PNISR: variants seen among roughly 807,000 people sequenced by gnomAD.
PNISR encodes the protein PNN interacting serine and arginine rich protein, also known as arginine/serine-rich protein PNISR.
In PNISR, 20 loss-of-function variants were observed where a neutral mutation model predicts 93.4. The ratio of observed to expected loss-of-function variants is 0.21; its 90% CI spans 0.15 to 0.31. The LOEUF (loss-of-function observed/expected upper bound fraction) is 0.31, where lower values mean the gene tolerates loss of function less well. Ranked by LOEUF, PNISR falls within the 10% of genes least tolerant of loss-of-function variation. The probability of loss-of-function intolerance (pLI) is 1.00; values close to 1 mark genes in which losing one functional copy is unlikely to be tolerated. For synonymous variants in PNISR, 305 were observed against 306.5 expected (o/e 0.99, Z 0.05); for missense variants, 893 against 985.4 (o/e 0.91, Z 1.25).
Position 99,400,779 on chromosome 6 carries a change from T to C in PNISR, c.2179A>G (p.Ile727Val), listed in dbSNP as rs776325189. 24 of 1,611,638 alleles carry C rather than the reference T, an allele frequency of 1.5e-5. No homozygotes were observed. The highest frequency in any genetic ancestry group is 4.4e-5 in the South Asian group (4 of 90,916). Residue 727 changes from isoleucine (I) to valine (V), a missense_variant, in exon 12 of 12, where the codon ATA becomes GTA. Around this residue, in one of 3 missense-constraint regions of PNISR, gnomAD observed 866 missense variants for 935.1 expected, o/e 0.93. Coordinates refer to ENST00000369239, the MANE Select transcript of PNISR (RefSeq NM_032870.4). ...SERTFSRSGS[I>V]SVKIIRHDSR... ...TCATGTCTTATGATTTTAACAGATA[T>C]AGAACCACTCCTAGAAAATGTTCTT...
intron 1 of PNISR, among the ~76,000 whole-genome samples, chr6:99,421,184 T>C (rs1582854738): frequency 6.6e-6 from 1 of 152,222 alleles, no homozygotes; most frequent in South Asian, 2.1e-4. Context: ...TTTCCCTTCA[T>C]GTGGTAAAGT....
Position 99,420,159 on chromosome 6 carries a change from G to A in PNISR, c.-111-3731C>T, listed in dbSNP as rs576421466. Among the ~76,000 whole-genome samples the A allele has an allele frequency of 6.6e-5, 10 of 152,288 alleles. No homozygotes were observed. The South Asian group carries it at 1.2e-3, about 19-fold the overall frequency. The stretch of plus-strand genomic sequence containing the variant: ...CAGTCCCCAAAGTGCTGGGATTACA[G>A]ACGTGAGCTATCGCTCCCGGCCCAT... On this transcript the variant is annotated intron_variant, in intron 1 of 11. Coordinates refer to ENST00000369239, the MANE Select transcript of PNISR (RefSeq NM_032870.4).
chr6:99,412,832 G>A (rs767191751), intron 3 of PNISR, 93 bp from the exon 4 acceptor site: 20 of 775,056 alleles, frequency 2.6e-5, no homozygotes, highest in Non-Finnish European at 3.9e-5. Flanking sequence ...CTATTCCTTA[G>A]ATCTTAAATA....
At chr6:99,421,855 T>C (rs1385619087) in intron 1 of PNISR, among the ~76,000 whole-genome samples, 1 of 152,162 alleles carries the variant, frequency 6.6e-6, no homozygotes, top group Non-Finnish European at 1.5e-5. Context: ...CTAAAACAAC[T>C]TGTTTAAATG....
rs891341254 is a variant in PNISR at position 99,420,309 on chromosome 6, A to T, written c.-111-3881T>A. Among the ~76,000 whole-genome samples the T allele has an allele frequency of 2.0e-4, 30 of 152,200 alleles. 1 individual carries two copies. Among genetic ancestry groups the T allele is most frequent in the African/African-American group, 6.8e-4 (28 of 41,438 alleles). On this transcript the variant is annotated intron_variant, in intron 1 of 11. Coordinates refer to ENST00000369239, the MANE Select transcript of PNISR (RefSeq NM_032870.4). ...TTGATAATCTTATCCAAAACAGGTA[A>T]CTCTGGTCATGAAAACAAAATTTGC...
chr6:99,415,178 AC>A (rs1386426971), intron 2 of PNISR: 1 of 152,240 alleles, frequency 6.6e-6, no homozygotes, highest in East Asian at 1.9e-4. Flanking sequence ...AGGAAACCTT[AC>A]AAGAAAAGTT....
intron 1 of PNISR, among the ~76,000 whole-genome samples, chr6:99,420,653 A>G (rs1210933873): frequency 6.6e-6 from 1 of 152,342 alleles, no homozygotes; most frequent in Middle Eastern, 3.4e-3. Context: ...AAATTTCACT[A>G]TGGTTTAACA....
rs750230721 is a variant in PNISR at position 99,410,877 on chromosome 6, G to A, written c.365C>T (p.Pro122Leu). 5 of 1,614,080 alleles carry A rather than the reference G, an allele frequency of 3.1e-6. No individual in the cohort carries two copies. In the Admixed American group the frequency reaches 8.3e-5, roughly 27 times the overall value. ...PTPGPMDIVP[P>L]SEDSNSQDSG... is the part of the protein sequence containing the mutation. ...GTCCTGACTGTTGCTGTCTTCAGAA[G>A]GAGGAACAATGTCCATTGGGCCTGG... The change falls in exon 5 of 12, where the codon CCT becomes CTT. Residue 122 changes from proline (P) to leucine (L), a missense_variant. By Grantham distance (98) the Pro-to-Leu change is moderately conservative. Around this residue, in one of 3 missense-constraint regions of PNISR, gnomAD observed 866 missense variants for 935.1 expected, o/e 0.93. Coordinates refer to ENST00000369239, the MANE Select transcript of PNISR (RefSeq NM_032870.4).
At chr6:99,407,338 C>CAAA (rs67886910) in intron 7 of PNISR, among the ~76,000 whole-genome samples, 20 of 122,120 alleles carry the variant, frequency 1.6e-4, no homozygotes, top group African/African-American at 3.2e-4. Flanking sequence ...CCTAAAAAGA[C>CAAA]AAAAAAAAAA....
chr6:99,412,082 T>A, intron 4 of PNISR: 1 of 317,192 alleles, frequency 3.2e-6, no homozygotes, highest in Non-Finnish European at 6.3e-6. Context: ...ATGAAAGATC[T>A]TCACTATCTG....
At chr6:99,424,914 C>G (rs573388185) in intron 1 of PNISR, 1 of 264,006 alleles carries the variant, frequency 3.8e-6, no homozygotes, top group African/African-American at 2.2e-5. Context: ...CCACTGCGCA[C>G]GCGCAGTGTT....
intron 1 of PNISR, among the ~76,000 whole-genome samples, chr6:99,416,630 CTT>C (rs762226666): frequency 6.6e-6 from 1 of 152,046 alleles, no homozygotes. Flanking sequence ...TTTTTAACAT[CTT>C]TTTTTCTTTC....
rs780814513 is a variant in PNISR, at chr6:99,412,609, A to C, written c.219T>G (p.Gly73=). The C allele has an allele frequency of 1.2e-6, 2 of 1,611,264 alleles. No homozygotes were observed. The highest frequency in any genetic ancestry group is 2.2e-5 in the South Asian group (2 of 90,220). ...CTTGGAAATTCCCATGATTGTTTGG[A>C]CCAGATTCCATTGTAGACATATCTT... is the stretch of plus-strand genomic sequence containing the variant. ...NGQDMSTMES[G]PNNHGNFQGD... is the part of the protein sequence containing the mutation. The change falls in exon 4 of 12, where the codon GGT becomes GGG. Residue 73 remains glycine, a synonymous_variant. Coordinates refer to ENST00000369239, the MANE Select transcript of PNISR (RefSeq NM_032870.4).
Position 99,399,435 on chromosome 6 carries a change from C to A in PNISR, c.*1105G>T, listed in dbSNP as rs956809013. ...CAGCATTCCTCCATTGATTTGAGGT[C>A]ATATTATACTTTAAAAATATAAATA... On this transcript the variant is annotated 3_prime_UTR_variant, in exon 12 of 12. Coordinates refer to ENST00000369239, the MANE Select transcript of PNISR (RefSeq NM_032870.4). 2.6e-5 allele frequency: 4 copies of A among 152,048 alleles called. No individual in the cohort carries two copies. Among genetic ancestry groups the A allele is most frequent in the African/African-American group, 9.7e-5 (4 of 41,426 alleles). The allele number at this position is 152,048 out of a possible 1,614,324, so 9.4% of individuals were successfully genotyped here. A position where few individuals can be genotyped will look rare whatever the true frequency, so the allele number is the denominator to read the frequency against.
At chr6:99,412,175 AT>A in intron 4 of PNISR, 1 of 448,216 alleles carries the variant, frequency 2.2e-6, no homozygotes, top group Non-Finnish European at 4.5e-6. Flanking sequence ...CAGTGACACA[AT>A]TTTTCTTTAA....
intron 1 of PNISR, among the ~76,000 whole-genome samples, chr6:99,419,493 C>T (rs1219284508): frequency 4.6e-5 from 7 of 152,268 alleles, no homozygotes; most frequent in Admixed American, 1.3e-4. Context: ...GGACTACAAT[C>T]TGTCCCTTTT....
At chr6:99,410,664 G>T in intron 5 of PNISR, 77 bp downstream of exon 5, 1 of 972,930 alleles carries the variant, frequency 1.0e-6, no homozygotes, top group Non-Finnish European at 1.6e-6. Flanking sequence ...ACGTATCTTA[G>T]GTATTCTTGA....
In PNISR at chr6:99,401,445, G is replaced by C. The variant is rs200116241; in HGVS notation, c.1513C>G (p.Gln505Glu). 9.9e-6 allele frequency: 16 copies of C among 1,608,126 alleles called. No homozygotes were observed. The highest frequency in any genetic ancestry group is 1.1e-5 in the Non-Finnish European group (13 of 1,177,320). Residue 505 changes from glutamine (Q) to glutamate (E), a missense_variant, in exon 12 of 12, where the codon CAA becomes GAA. Gln to Glu is a conservative substitution (Grantham distance 29). Around this residue, in one of 3 missense-constraint regions of PNISR, gnomAD observed 866 missense variants for 935.1 expected, o/e 0.93. Transcript: ENST00000369239. ...PKKEHKEKEK[Q>E]GRSRSGSSSS... Reference sequence around the variant, plus strand: ...GAACTTCCCGACCTACTCCTTCCTTGTTTTTCTTTTTCTTTATGCTCTTTT... The same window carrying C: ...GAACTTCCCGACCTACTCCTTCCTTCTTTTTCTTTTTCTTTATGCTCTTTT...
rs369848979 is a variant in PNISR at position 99,401,316 on chromosome 6, G to A, written c.1642C>T (p.Arg548Trp). The A allele has an allele frequency of 1.3e-4, 214 of 1,613,856 alleles. 1 individual carries two copies. The highest frequency in any genetic ancestry group is 1.8e-4 in the Non-Finnish European group (207 of 1,179,948). Residue 548 changes from arginine to tryptophan, a missense_variant, in exon 12 of 12, where the codon CGG (arginine) becomes TGG (tryptophan). By Grantham distance (101) the Arg-to-Trp change is moderately radical. Coordinates refer to ENST00000369239, the MANE Select transcript of PNISR (RefSeq NM_032870.4). The stretch of plus-strand genomic sequence containing the variant: ...TTTTTCCTTTTAGGAGAAGAAGACC[G>A]AGAAGAAGTACGACTACTACCTGAG... ...SSSGSSRTSS[R>W]SSSPKRKKRH... is the part of the protein sequence containing the mutation.
Sources: allele counts gnomAD v4.1 joint callset (sites outside exome capture counted in the v4.1 genomes callset), GRCh38; gene constraint gnomAD v4.1.1; regional missense constraint gnomAD v4.1.1; transcripts MANE v1.5; gene names NCBI Gene and HGNC (gene_info 2026-07-23, HGNC 2026-07-21).